The following NBEAL2 variants were observed in gnomAD, a reference collection of about 807,000 sequenced individuals.
NBEAL2 encodes neurobeachin-like protein 2.
NBEAL2 carries 160 observed loss-of-function variants against 299.8 expected under a neutral mutation model. That is an observed-to-expected ratio of 0.53 (90% confidence interval 0.47 to 0.61). The LOEUF (loss-of-function observed/expected upper bound fraction) is 0.61, where lower values mean the gene tolerates loss of function less well. Ranked by LOEUF, NBEAL2 falls within the 20% of genes least tolerant of loss-of-function variation. The probability of loss-of-function intolerance (pLI) is 0.00; values close to 1 mark genes in which losing one functional copy is unlikely to be tolerated. For synonymous variants in NBEAL2, 1,493 were observed against 1,542.3 expected (o/e 0.97, Z 0.75); for missense variants, 3,112 against 3,649.0 (o/e 0.85, Z 3.79).
rs893118668 is a variant in NBEAL2, at chr3:47,003,657, G to A, written c.5721-159G>A. Among the ~76,000 whole-genome samples the A allele has an allele frequency of 1.3e-5, 2 of 152,166 alleles. No individual in the cohort carries two copies. Among genetic ancestry groups the A allele is most frequent in the Non-Finnish European group, 2.9e-5 (2 of 68,026 alleles). On this transcript the variant is annotated intron_variant, in intron 35 of 53. Coordinates refer to ENST00000450053, the MANE Select transcript of NBEAL2 (RefSeq NM_015175.3). This position sits in a 1 kb window ranked among gnomAD's most constrained non-coding sequence, Gnocchi z 7.0. The stretch of plus-strand genomic sequence containing the variant: ...CAGTGGGTGGCAGGTGGGGGACAGG[G>A]GCTGGGACCAGTAGGTTCTGGACCC...
At chr3:47,002,561 A>C (rs1253025122) in intron 32 of NBEAL2, 41 bp downstream of exon 32, 1 of 1,610,706 alleles carries the variant, frequency 6.2e-7, no homozygotes, top group Admixed American at 1.7e-5. Context: ...TGCTCCACAC[A>C]TGCACCCAGG....
In NBEAL2 at chr3:46,979,827, G is replaced by T; in HGVS notation, c.-35G>T. ...GGGCGGCGCGGAGGAGGCGGCGACAGGTGGCGCGCAGCAGGGCCGGAGCCG... is the reference window on the plus strand; with the variant it reads ...GGGCGGCGCGGAGGAGGCGGCGACATGTGGCGCGCAGCAGGGCCGGAGCCG... On this transcript the variant is annotated 5_prime_UTR_variant, in exon 1 of 54. It adds an upstream start codon to the 5' untranslated region. Transcript: ENST00000450053. 1 of 416,692 alleles carries T rather than the reference G, an allele frequency of 2.4e-6. No homozygotes were observed. The highest frequency in any genetic ancestry group is 6.6e-5 in the South Asian group (1 of 15,188). The allele number at this position is 416,692 out of a possible 1,614,324, so 25.8% of individuals were successfully genotyped here.
rs1243946757 is a variant in NBEAL2 at position 47,006,276 on chromosome 3, A to G, written c.7017+14A>G. 1.9e-6 allele frequency: 3 copies of G among 1,612,616 alleles called. No individual in the cohort carries two copies. In the East Asian group the frequency reaches 6.7e-5, roughly 36 times the overall value. On this transcript the variant is annotated intron_variant, in intron 44 of 53. Coordinates refer to ENST00000450053, the MANE Select transcript of NBEAL2 (RefSeq NM_015175.3). Reference sequence around the variant, plus strand: ...CAGCTGCTGAAGGTAAGGCCAGCTTAGAGGATAGTGGCCAGGGATGCCCAT... The same window carrying G: ...CAGCTGCTGAAGGTAAGGCCAGCTTGGAGGATAGTGGCCAGGGATGCCCAT...
At chr3:46,996,103 C>T (rs2036474238) in intron 15 of NBEAL2, 52 bp downstream of exon 15, 3 of 1,561,206 alleles carry the variant, frequency 1.9e-6, no homozygotes, top group Non-Finnish European at 2.6e-6. Context: ...GGACTTGGAA[C>T]ACAGTGGGCA....
At chr3:46,997,910 C>T (rs927527339) in intron 20 of NBEAL2, among the ~76,000 whole-genome samples, 157 bp from the exon 21 acceptor site, 40 of 152,220 alleles carry the variant, frequency 2.6e-4, no homozygotes, top group Non-Finnish European at 7.3e-5. Context: ...AGGAGGCTTG[C>T]GTGTCAGAGG....
In NBEAL2 at chr3:46,999,482, C is replaced by CA; in HGVS notation, c.3703+8_3703+9insA. On this transcript the variant is annotated intron_variant, in intron 25 of 53. Transcript: ENST00000450053. ...AGCTGTTCCTGGGGGCAGGTACAACCTGGTTAAGGCCAAGTGGAGGGGGTG... is the reference window on the plus strand; with the variant it reads ...AGCTGTTCCTGGGGGCAGGTACAACCATGGTTAAGGCCAAGTGGAGGGGGTG... The CA allele has an allele frequency of 6.3e-7, 1 of 1,579,610 alleles. No individual in the cohort carries two copies. Among genetic ancestry groups the CA allele is most frequent in the South Asian group, 1.1e-5 (1 of 87,152 alleles).
chr3:47,009,583 C>T lies in NBEAL2; in HGVS notation c.*263C>T, dbSNP rs886058611. The stretch of plus-strand genomic sequence containing the variant: ...GCAGCACTTTTTGCACAGTCTGGGG[C>T]GGGGTTCCCCGGCTTCCAAGTCGCT... On this transcript the variant is annotated 3_prime_UTR_variant, in exon 54 of 54. Transcript: ENST00000450053. 7.2e-5 allele frequency: 35 copies of T among 488,336 alleles called. No homozygotes were observed. The East Asian group carries it at 9.8e-4, about 14-fold the overall frequency. The allele number at this position is 488,336 out of a possible 1,614,324, so 30.3% of individuals were successfully genotyped here.
At position 47,003,927 on chromosome 3, in the gene NBEAL2, G is replaced by C; in HGVS notation, c.5832G>C (p.Gln1944His). 6.2e-7 allele frequency: 1 copy of C among 1,613,766 alleles called. No individual in the cohort carries two copies. The highest frequency in any genetic ancestry group is 8.5e-7 in the Non-Finnish European group (1 of 1,179,762). Residue 1944 changes from glutamine to histidine, a missense_variant, in exon 36 of 54, where the codon CAG becomes CAC. Gln to His is a conservative substitution (Grantham distance 24). Transcript: ENST00000450053. This position sits in a 1 kb window ranked among gnomAD's most constrained non-coding sequence, Gnocchi z 7.0. ...CAGGGCTGCTGGAGGTCACCACACAGAATGTATACTTCTACGATGGCAGCA... is the reference window on the plus strand; with the variant it reads ...CAGGGCTGCTGGAGGTCACCACACACAATGTATACTTCTACGATGGCAGCA... ...VVPGLLEVTT[Q>H]NVYFYDGSTE...
Position 47,004,168 on chromosome 3 carries a change from C to T in NBEAL2, c.5973C>T (p.Phe1991=). 3 of 1,613,802 alleles carry T rather than the reference C, an allele frequency of 1.9e-6. No homozygotes were observed. The highest frequency in any genetic ancestry group is 2.5e-6 in the Non-Finnish European group (3 of 1,179,816). The part of the protein sequence containing the change: ...FNLRRSALEL[F]FIDQANYFLN... The stretch of plus-strand genomic sequence containing the variant: ...TGCGCCGTTCAGCACTTGAGCTCTT[C>T]TTTATCGATCAGGCCAACTACTTCC... Residue 1991 remains phenylalanine, a synonymous_variant, in exon 37 of 54, where the codon TTC becomes TTT. Transcript: ENST00000450053. This position sits in a 1 kb window ranked among gnomAD's most constrained non-coding sequence, Gnocchi z 5.0.
Position 47,003,732 on chromosome 3 carries a change from A to T in NBEAL2, c.5721-84A>T, listed in dbSNP as rs2037205309. 6.8e-7 allele frequency: 1 copy of T among 1,472,256 alleles called. No homozygotes were observed. Among genetic ancestry groups the T allele is most frequent in the Non-Finnish European group, 9.1e-7 (1 of 1,100,422 alleles). The allele number at this position is 1,472,256 out of a possible 1,614,324, so 91.2% of individuals were successfully genotyped here. A position where few individuals can be genotyped will look rare whatever the true frequency, so the allele number is the denominator to read the frequency against. The stretch of plus-strand genomic sequence containing the variant: ...GAGTCATGAGAGTATATACCCCATG[A>T]CTCAATGGCACTTGGATGCCCTTTG... On this transcript the variant is annotated intron_variant, in intron 35 of 53. Transcript: ENST00000450053. The surrounding 1 kb of genome is among the most constrained non-coding windows in gnomAD (Gnocchi z 7.0).
At chr3:46,994,352 A>C in intron 11 of NBEAL2, 103 bp from the exon 12 acceptor site, 2 of 1,094,458 alleles carry the variant, frequency 1.8e-6, no homozygotes, top group South Asian at 2.7e-5. Context: ...GAGCTACGCA[A>C]GGGAACCCCA....
chr3:46,979,766 G>T lies in NBEAL2; in HGVS notation c.-96G>T. 2.9e-6 allele frequency: 1 copy of T among 346,724 alleles called. No homozygotes were observed. The highest frequency in any genetic ancestry group is 5.2e-6 in the Non-Finnish European group (1 of 192,656). The allele number at this position is 346,724 out of a possible 1,614,324, so 21.5% of individuals were successfully genotyped here. ...CCGCGCCGCTCCGCCCCGGAGTGAC[G>T]CCCTCCGCCCATGGGCCTGGCCGAG... On this transcript the variant is annotated 5_prime_UTR_variant, in exon 1 of 54. Transcript: ENST00000450053.
At chr3:46,992,404 A>AC (rs2036166634) in intron 9 of NBEAL2, 71 bp from the exon 10 acceptor site, 1 of 1,412,158 alleles carries the variant, frequency 7.1e-7, no homozygotes, top group Non-Finnish European at 9.8e-7. Context: ...TCCTGCTCTA[A>AC]CCCCACCCTC....
At chr3:46,999,290 C>A in intron 24 of NBEAL2, 25 bp from the exon 25 acceptor site, 1 of 1,583,884 alleles carries the variant, frequency 6.3e-7, no homozygotes. Flanking sequence ...CACATGATGA[C>A]AGTCCTCCGA....
rs779461355 is a variant in NBEAL2, at chr3:47,008,442, G to T, written c.7878+1G>T. On this transcript the variant is annotated splice_donor_variant, in intron 51 of 53. Coordinates refer to ENST00000450053, the MANE Select transcript of NBEAL2 (RefSeq NM_015175.3). LOFTEE classifies it high-confidence loss of function. ...AGCGTGGGAACGTCCTGGGGCCCAG[G>T]TATGGGGAAGGGGTGCCCAGCAAAG... is the stretch of plus-strand genomic sequence containing the variant. 2 of 1,611,598 alleles carry T rather than the reference G, an allele frequency of 1.2e-6. No individual in the cohort carries two copies.
chr3:46,995,527 T>A lies in NBEAL2; in HGVS notation c.1792T>A (p.Trp598Arg). The A allele has an allele frequency of 1.9e-6, 3 of 1,612,886 alleles. No individual in the cohort carries two copies. The highest frequency in any genetic ancestry group is 2.5e-6 in the Non-Finnish European group (3 of 1,179,886). ...AGIMVPPVQR[W>R]PGPGFTFHAW... is the part of the protein sequence containing the mutation. ...CATCATGGTACCCCCTGTACAGCGA[T>A]GGCCAGGGCCTGGCTTCACCTTTCA... is the stretch of plus-strand genomic sequence containing the variant. Residue 598 changes from tryptophan (W) to arginine (R), a missense_variant, in exon 13 of 54, where the codon TGG becomes AGG. Trp to Arg is a moderately radical substitution (Grantham distance 101, BLOSUM62 -3). This residue lies in a region of NBEAL2 where 2,243 missense variants were observed against 2,538.1 expected (regional missense o/e 0.88). Transcript: ENST00000450053.
chr3:47,001,036 C>G lies in NBEAL2; in HGVS notation c.4341C>G (p.Thr1447=). The change falls in exon 28 of 54, where the codon ACC becomes ACG. Residue 1447 remains threonine, a synonymous_variant. Coordinates refer to ENST00000450053, the MANE Select transcript of NBEAL2 (RefSeq NM_015175.3). The surrounding 1 kb of genome is among the most constrained non-coding windows in gnomAD (Gnocchi z 6.1). ...AGGAAGAGTTGTGCAATCTGCTCAC[C>G]AACGTGCTGTTCTCGGTGACGTGGC... is the stretch of plus-strand genomic sequence containing the variant. ...TSEEELCNLL[T]NVLFSVTWRG... 1 of 1,612,154 alleles carries G rather than the reference C, an allele frequency of 6.2e-7. No individual in the cohort carries two copies. The highest frequency in any genetic ancestry group is 8.5e-7 in the Non-Finnish European group (1 of 1,179,254).
rs79672319 is a variant in NBEAL2, at chr3:46,988,433, G to A, written c.52-236G>A. Reference sequence around the variant, plus strand: ...GGGAGGCTGAGAGAAGCAGTGGGGTGCCTGGAAAAGTGGTCAGTATGTACC... The same window carrying A: ...GGGAGGCTGAGAGAAGCAGTGGGGTACCTGGAAAAGTGGTCAGTATGTACC... On this transcript the variant is annotated intron_variant, in intron 1 of 53. Transcript: ENST00000450053. The surrounding 1 kb of genome is among the most constrained non-coding windows in gnomAD (Gnocchi z 4.4). 7.5e-3 allele frequency among the ~76,000 whole-genome samples: 1,142 copies of A among 152,218 alleles called. 15 individuals carry two copies. The highest frequency in any genetic ancestry group is 0.026 in the African/African-American group (1,095 of 41,522).
rs2035808460 is a variant in NBEAL2, at chr3:46,988,124, C to T, written c.52-545C>T. 6 of 1,140,074 alleles carry T rather than the reference C, an allele frequency of 5.3e-6. No homozygotes were observed. In the Admixed American group the frequency reaches 1.5e-4, roughly 28 times the overall value. The allele number at this position is 1,140,074 out of a possible 1,614,324, so 70.6% of individuals were successfully genotyped here. A position where few individuals can be genotyped will look rare whatever the true frequency, so the allele number is the denominator to read the frequency against. On this transcript the variant is annotated intron_variant, in intron 1 of 53. Transcript: ENST00000450053. This position sits in a 1 kb window ranked among gnomAD's most constrained non-coding sequence, Gnocchi z 4.4. ...AGGTTCCCGGGGCAAGGCAGGGCCG[C>T]ACATGAGGATGTGCGCATGTCTGGG...
Sources: gnomAD v4.1 joint callset for allele counts (sites outside exome capture counted in the v4.1 genomes callset) on GRCh38, gnomAD v4.1.1 for gene constraint, gnomAD v4.1.1 regional missense constraint, Gnocchi (gnomAD v3.1) non-coding constraint, MANE v1.5 for transcripts, NCBI Gene and HGNC (gene_info 2026-07-23, HGNC 2026-07-21) for gene names.